The following SHLD1 variants were observed in gnomAD, a reference collection of about 807,000 sequenced individuals.
The protein encoded by SHLD1 is shieldin complex subunit 1, also known as RINN1-REV7-interacting novel NHEJ regulator 3.
A neutral mutation model predicts 5.5 loss-of-function variants in SHLD1; 3 were observed. The ratio of observed to expected loss-of-function variants is 0.54; its 90% CI spans 0.25 to 1.40. SHLD1 has a LOEUF of 1.40. Among genes scored for constraint, SHLD1 ranks in the 40% most tolerant of loss-of-function variants. The pLI, the probability that SHLD1 is intolerant of heterozygous loss-of-function variation, is 0.15. For synonymous variants in SHLD1, 92 were observed against 94.3 expected (o/e 0.98, Z 0.14); for missense variants, 210 against 244.4 (o/e 0.86, Z 0.94).
intron 1 of SHLD1, among the ~76,000 whole-genome samples, chr20:5,769,522 A>G (rs982712672): frequency 6.6e-6 from 1 of 152,238 alleles, no homozygotes; most frequent in Non-Finnish European, 1.5e-5. Context: ...GTTTTTTCCT[A>G]TGCATATATA....
intron 2 of SHLD1, among the ~76,000 whole-genome samples, chr20:5,850,121 T>TAATAAC (rs1158668925): frequency 7.8e-6 from 1 of 127,694 alleles, no homozygotes; most frequent in Non-Finnish European, 1.7e-5. Flanking sequence ...TCAATAATAA[T>TAATAAC]AATAATAATA....
chr20:5,827,712 A>G (rs1307926502), intron 2 of SHLD1, among the ~76,000 whole-genome samples: 2 of 152,122 alleles, frequency 1.3e-5, no homozygotes, highest in Non-Finnish European at 2.9e-5. Context: ...GAAATGCTAT[A>G]TAGTCTTAGG....
intron 2 of SHLD1, among the ~76,000 whole-genome samples, chr20:5,798,454 C>T (rs2087242947): frequency 6.6e-6 from 1 of 151,430 alleles, no homozygotes; most frequent in South Asian, 2.1e-4. Flanking sequence ...AGGCGCCTGC[C>T]ACCATGTCTG....
intron 2 of SHLD1, among the ~76,000 whole-genome samples, chr20:5,839,129 C>T (rs143401235): frequency 7.2e-5 from 11 of 152,296 alleles, no homozygotes; most frequent in African/African-American, 1.2e-4. Flanking sequence ...GATTTAATGA[C>T]GTACCTTTGT....
intron 2 of SHLD1, among the ~76,000 whole-genome samples, chr20:5,789,144 A>G (rs2087102874): frequency 6.6e-6 from 1 of 152,010 alleles, no homozygotes; most frequent in Non-Finnish European, 1.5e-5. Context: ...ACAAAAAAAC[A>G]AAAAAGAAGA....
chr20:5,752,941 C>T (rs981577759), intron 1 of SHLD1, among the ~76,000 whole-genome samples: 8 of 152,212 alleles, frequency 5.3e-5, no homozygotes, highest in African/African-American at 9.6e-5. Context: ...ATTACAGGCA[C>T]GCATTGCCAT....
At chr20:5,830,379 A>T (rs2087713728) in intron 2 of SHLD1, among the ~76,000 whole-genome samples, 1 of 152,214 alleles carries the variant, frequency 6.6e-6, no homozygotes, top group Non-Finnish European at 1.5e-5. Flanking sequence ...TATATAAAGT[A>T]TAAAAGACAA....
At chr20:5,826,592 A>G (rs746255391) in intron 2 of SHLD1, among the ~76,000 whole-genome samples, 1 of 152,074 alleles carries the variant, frequency 6.6e-6, no homozygotes, top group Non-Finnish European at 1.5e-5. Flanking sequence ...CTCCCCCAAC[A>G]TCTCCAGCTC....
At chr20:5,830,529 A>G (rs2087716108) in intron 2 of SHLD1, among the ~76,000 whole-genome samples, 1 of 152,104 alleles carries the variant, frequency 6.6e-6, no homozygotes, top group Non-Finnish European at 1.5e-5. Context: ...TCTCTACTAA[A>G]AATACAAAAT....
intron 2 of SHLD1, among the ~76,000 whole-genome samples, chr20:5,823,452 GTTTTTTTT>G (rs35984067): frequency 1.4e-5 from 2 of 141,602 alleles, no homozygotes; most frequent in African/African-American, 5.2e-5. Flanking sequence ...GTTGTTTTTT[GTTTTTTTT>G]TTTTTGAGAT....
intron 1 of SHLD1, chr20:5,756,921 C>G (rs1415121507): frequency 1.9e-5 from 3 of 160,784 alleles, no homozygotes; most frequent in African/African-American, 7.2e-5. Context: ...CCTAATTGCC[C>G]TGGCTAAGGC....
At position 5,864,057 on chromosome 20, in the gene SHLD1, A is replaced by G. The variant is rs949923885; in HGVS notation, c.*594A>G. On this transcript the variant is annotated 3_prime_UTR_variant, in exon 3 of 3. Transcript: ENST00000303142. The stretch of plus-strand genomic sequence containing the variant: ...TTGTAAAACTGAGACCATGTCATTG[A>G]GAATACATGTCCTAAAATAATATAA... The G allele has an allele frequency of 6.6e-6, 1 of 152,320 alleles. No homozygotes were observed. Among genetic ancestry groups the G allele is most frequent in the African/African-American group, 2.4e-5 (1 of 41,468 alleles). 9.4% of individuals were successfully genotyped at this position (152,320 alleles called of 1,614,324 possible).
At chr20:5,811,985 T>C (rs2087464482) in intron 2 of SHLD1, among the ~76,000 whole-genome samples, 1 of 152,178 alleles carries the variant, frequency 6.6e-6, no homozygotes, top group Non-Finnish European at 1.5e-5. Flanking sequence ...GGATTACTAA[T>C]ACTTAGTTCA....
At chr20:5,816,968 C>T (rs948318180) in intron 2 of SHLD1, among the ~76,000 whole-genome samples, 2 of 152,070 alleles carry the variant, frequency 1.3e-5, no homozygotes, top group African/African-American at 4.8e-5. Flanking sequence ...ATCTTGGGGG[C>T]TGAGGCAAGA....
chr20:5,782,836 A>G (rs573425953), intron 2 of SHLD1, among the ~76,000 whole-genome samples: 8 of 152,354 alleles, frequency 5.3e-5, no homozygotes, highest in African/African-American at 1.9e-4. Flanking sequence ...AAAGGAATGA[A>G]TTATAAGCTC....
At chr20:5,830,488 TGACCAACATG>T (rs1217672987) in intron 2 of SHLD1, among the ~76,000 whole-genome samples, 2 of 151,916 alleles carry the variant, frequency 1.3e-5, no homozygotes, top group Non-Finnish European at 2.9e-5. Flanking sequence ...TAGACCAGCC[TGACCAACATG>T]GACCAACATG....
Position 5,810,948 on chromosome 20 carries a change from G to A in SHLD1, c.178+37905G>A, listed in dbSNP as rs540561970. Among the ~76,000 whole-genome samples the A allele has an allele frequency of 1.1e-3, 162 of 151,782 alleles. 1 individual carries two copies. The highest frequency in any genetic ancestry group is 3.8e-3 in the African/African-American group (157 of 41,370). On this transcript the variant is annotated intron_variant, in intron 2 of 2. Coordinates refer to ENST00000303142, the MANE Select transcript of SHLD1 (RefSeq NM_152504.4). ...CTTTTGTTAACTCTGCAGATGTCCT[G>A]GCTTTAAGATCGTCCTGTATGATCA... is the stretch of plus-strand genomic sequence containing the variant.
intron 1 of SHLD1, among the ~76,000 whole-genome samples, chr20:5,763,246 C>T (rs1282853020): frequency 6.9e-6 from 1 of 144,554 alleles, no homozygotes; most frequent in African/African-American, 2.6e-5. Context: ...GCGGAGGTTG[C>T]GCCATTGCAC....
chr20:5,817,432 C>CTCTCTCTCTCTCTCTGTGTGTG (rs1473391202), intron 2 of SHLD1, among the ~76,000 whole-genome samples: 1 of 85,660 alleles, frequency 1.2e-5, no homozygotes, highest in African/African-American at 5.6e-5. Flanking sequence ...CTCTCTCTCT[C>CTCTCTCTCTCTCTCTGTGTGTG]TGTGTGTGTG....
Sources: allele counts gnomAD v4.1 joint callset (sites outside exome capture counted in the v4.1 genomes callset), GRCh38; gene constraint gnomAD v4.1.1; transcripts MANE v1.5; gene names NCBI Gene and HGNC (gene_info 2026-07-23, HGNC 2026-07-21).